The following RPS6KA5 variants were observed in gnomAD, a reference collection of about 807,000 sequenced individuals.
The protein encoded by RPS6KA5 is ribosomal protein S6 kinase A5, also known as ribosomal protein S6 kinase alpha-5.
A neutral mutation model predicts 85.5 loss-of-function variants in RPS6KA5; 27 were observed. The ratio of observed to expected loss-of-function variants is 0.32; its 90% CI spans 0.23 to 0.44. The LOEUF is 0.44. RPS6KA5 is among the 20% of genes least tolerant of loss of function. The probability of loss-of-function intolerance (pLI) is 1.00; values close to 1 mark genes in which losing one functional copy is unlikely to be tolerated. For synonymous variants in RPS6KA5, 334 were observed against 348.2 expected (o/e 0.96, Z 0.46); for missense variants, 811 against 980.9 (o/e 0.83, Z 2.31).
intron 1 of RPS6KA5, among the ~76,000 whole-genome samples, chr14:91,034,705 C>A (rs912238767): frequency 7.2e-5 from 11 of 152,212 alleles, no homozygotes; most frequent in Non-Finnish European, 1.5e-4. Flanking sequence ...TGTTCTTTCA[C>A]TCTTCACAAT....
intron 9 of RPS6KA5, among the ~76,000 whole-genome samples, chr14:90,900,948 G>A (rs537680099): frequency 2.6e-5 from 4 of 152,170 alleles, no homozygotes; most frequent in Admixed American, 1.3e-4. Flanking sequence ...TCTTCTGGTA[G>A]AACTAAACCA....
At chr14:90,996,793 T>A (rs1395086378) in intron 2 of RPS6KA5, among the ~76,000 whole-genome samples, 1 of 152,172 alleles carries the variant, frequency 6.6e-6, no homozygotes, top group Non-Finnish European at 1.5e-5. Context: ...GAATAGCAAT[T>A]TGTTTTCAAA....
Position 90,890,709 on chromosome 14 carries a change from T to G in RPS6KA5, c.1645-31A>C, listed in dbSNP as rs766996018. The G allele has an allele frequency of 1.1e-5, 18 of 1,566,660 alleles. No homozygotes were observed. In the South Asian group the frequency reaches 1.5e-4, roughly 13 times the overall value. The stretch of plus-strand genomic sequence containing the variant: ...AGATATCAATGCTTACATTAGTTTC[T>G]CACTAGGCATGTCTTGGGAATTGCT... On this transcript the variant is annotated intron_variant, in intron 13 of 16. Transcript: ENST00000614987.
At chr14:90,951,135 A>G (rs866959462) in intron 3 of RPS6KA5, among the ~76,000 whole-genome samples, 19 of 146,544 alleles carry the variant, frequency 1.3e-4, no homozygotes, top group Middle Eastern at 3.5e-3. Flanking sequence ...AAAAAAAAAA[A>G]AGAGAGAGAG....
At chr14:90,983,841 T>TCTCTCTCTCTCTCTC (rs1487178474) in intron 2 of RPS6KA5, among the ~76,000 whole-genome samples, 7 of 75,300 alleles carry the variant, frequency 9.3e-5, no homozygotes, top group Non-Finnish European at 1.7e-4. Context: ...CTCTCTCTCT[T>TCTCTCTCTCTCTCTC]TCTTTTTTTC....
rs1225669340 is a variant in RPS6KA5 at position 90,854,493 on chromosome 14, G to A, written c.*17581C>T. ...AGAATTTTTAAAGACTTGCGATTTT[G>A]CTAAATGTATCATCATTAGAAAAAG... On this transcript the variant is annotated 3_prime_UTR_variant, in exon 17 of 17. Transcript: ENST00000614987. 6.6e-6 allele frequency: 1 copy of A among 152,056 alleles called. No individual in the cohort carries two copies. The allele number at this position is 152,056 out of a possible 1,614,324, so 9.4% of individuals were successfully genotyped here.
intron 2 of RPS6KA5, among the ~76,000 whole-genome samples, chr14:90,979,162 T>A (rs1343713496): frequency 6.6e-6 from 1 of 152,244 alleles, no homozygotes; most frequent in Non-Finnish European, 1.5e-5. Flanking sequence ...ATAAGGACTC[T>A]GTTGGGCATG....
chr14:90,908,768 G>A (rs2035647807), intron 7 of RPS6KA5, among the ~76,000 whole-genome samples: 1 of 152,246 alleles, frequency 6.6e-6, no homozygotes, highest in African/African-American at 2.4e-5. Context: ...GTCAGGTGCT[G>A]TGAAAGCTCC....
At chr14:90,968,440 G>A (rs1169585023) in intron 3 of RPS6KA5, among the ~76,000 whole-genome samples, 2 of 152,154 alleles carry the variant, frequency 1.3e-5, no homozygotes, top group African/African-American at 4.8e-5. Context: ...TCTTTACCAT[G>A]TAGCTCAACA....
intron 5 of RPS6KA5, among the ~76,000 whole-genome samples, chr14:90,928,230 AAT>A (rs2036787660): frequency 6.6e-6 from 1 of 152,028 alleles, no homozygotes; most frequent in Non-Finnish European, 1.5e-5. Flanking sequence ...AGTGACAATA[AAT>A]ATTACAGTAA....
In RPS6KA5 at chr14:90,867,257, C is replaced by A. The variant is rs1028553801; in HGVS notation, c.*4817G>T. On this transcript the variant is annotated 3_prime_UTR_variant, in exon 17 of 17. Coordinates refer to ENST00000614987, the MANE Select transcript of RPS6KA5 (RefSeq NM_004755.4). The stretch of plus-strand genomic sequence containing the variant: ...TGACATTTCTCTTTTGTTCTGTTTT[C>A]TTTTTCTTCTAATATTAAGAAAATT... The A allele has an allele frequency of 6.6e-6, 1 of 151,942 alleles. No homozygotes were observed. Among genetic ancestry groups the A allele is most frequent in the Non-Finnish European group, 1.5e-5 (1 of 67,962 alleles). 9.4% of individuals were successfully genotyped at this position (151,942 alleles called of 1,614,324 possible).
intron 1 of RPS6KA5, among the ~76,000 whole-genome samples, chr14:91,024,683 G>C (rs1218310821): frequency 6.6e-6 from 1 of 152,076 alleles, no homozygotes. Flanking sequence ...TAAATGCAAG[G>C]CTTCTCAGAG....
chr14:90,935,375 ACTT>A (rs1424217893), intron 5 of RPS6KA5, among the ~76,000 whole-genome samples: 1 of 152,254 alleles, frequency 6.6e-6, no homozygotes, highest in African/African-American at 2.4e-5. Flanking sequence ...TGTAAACAGT[ACTT>A]CTCAGAAATA....
At chr14:90,940,145 G>T (rs554062634) in intron 5 of RPS6KA5, among the ~76,000 whole-genome samples, 1 of 152,208 alleles carries the variant, frequency 6.6e-6, no homozygotes, top group Admixed American at 6.5e-5. Context: ...TGTCCTCTAG[G>T]GCTAACAGGA....
chr14:90,910,747 G>A (rs183650752), intron 7 of RPS6KA5, among the ~76,000 whole-genome samples: 1 of 150,830 alleles, frequency 6.6e-6, no homozygotes, highest in Non-Finnish European at 1.5e-5. Flanking sequence ...GTGCAATGGC[G>A]CGATCTCAGC....
At chr14:90,933,413 C>G (rs946188602) in intron 5 of RPS6KA5, among the ~76,000 whole-genome samples, 1 of 152,184 alleles carries the variant, frequency 6.6e-6, no homozygotes, top group Non-Finnish European at 1.5e-5. Flanking sequence ...TCCAGCTGTT[C>G]TGGCCAAAAA....
intron 7 of RPS6KA5, among the ~76,000 whole-genome samples, chr14:90,915,592 A>C (rs531059141): frequency 1.8e-4 from 27 of 152,294 alleles, no homozygotes; most frequent in African/African-American, 6.3e-4. Context: ...GGATCACTTG[A>C]GGTCAGGAGT....
chr14:90,989,753 A>G (rs527685198), intron 2 of RPS6KA5, among the ~76,000 whole-genome samples: 1 of 152,230 alleles, frequency 6.6e-6, no homozygotes, highest in Non-Finnish European at 1.5e-5. Flanking sequence ...TGAGCCAAAG[A>G]TATTTCCTGG....
chr14:90,957,729 C>G (rs2038596448), intron 3 of RPS6KA5, among the ~76,000 whole-genome samples: 1 of 152,134 alleles, frequency 6.6e-6, no homozygotes, highest in African/African-American at 2.4e-5. Flanking sequence ...GAGGACCCTT[C>G]TTAGTTGTCC....
Sources: allele counts gnomAD v4.1 joint callset (sites outside exome capture counted in the v4.1 genomes callset), GRCh38; gene constraint gnomAD v4.1.1; transcripts MANE v1.5; gene names NCBI Gene and HGNC (gene_info 2026-07-23, HGNC 2026-07-21).